Variants in XPR1 observed in about 807,000 individuals in gnomAD.
XPR1 encodes solute carrier family 53 member 1.
In XPR1, 28 loss-of-function variants were observed where a neutral mutation model predicts 87.5. The ratio of observed to expected loss-of-function variants is 0.32; its 90% confidence interval spans 0.24 to 0.44. The LOEUF is 0.44. Among genes scored for constraint, XPR1 ranks in the 20% least tolerant of loss-of-function variants. XPR1 has a pLI of 1.00. For synonymous variants in XPR1, 300 were observed against 306.1 expected (o/e 0.98, Z 0.21); for missense variants, 559 against 862.3 (o/e 0.65, Z 4.41).
chr1:180,744,650 C>CTTTTTTTTTTTTTT lies in XPR1; in HGVS notation c.122-43100_122-43099insTTTTTTTTTTTTTT, dbSNP rs200044209. Among the ~76,000 whole-genome samples the CTTTTTTTTTTTTTT allele has an allele frequency of 5.7e-3, 326 of 56,858 alleles. 29 individuals carry two copies. Among genetic ancestry groups the CTTTTTTTTTTTTTT allele is most frequent in the African/African-American group, 7.8e-3 (134 of 17,120 alleles). The allele number at this position is 56,858 out of a possible 152,430, so 37.3% of individuals were successfully genotyped here. ...ACTTGTTCAGGTTTAGGCACAATTT[C>CTTTTTTTTTTTTTT]TTTCTTTTTTTTTTTTTTGAGACAG... On this transcript the variant is annotated intron_variant, in intron 2 of 14. Coordinates refer to ENST00000367590, the MANE Select transcript of XPR1 (RefSeq NM_004736.4).
intron 2 of XPR1, among the ~76,000 whole-genome samples, chr1:180,726,584 A>G (rs1184236656): frequency 6.6e-6 from 1 of 152,144 alleles, no homozygotes; most frequent in East Asian, 1.9e-4. Context: ...GAGACTGAAA[A>G]CTGTTTACAT....
At chr1:180,863,433 T>C (rs1652283282) in intron 11 of XPR1, among the ~76,000 whole-genome samples, 1 of 152,210 alleles carries the variant, frequency 6.6e-6, no homozygotes, top group South Asian at 2.1e-4. Context: ...ATTGCAATTA[T>C]ACAGATTTTT....
At chr1:180,848,741 A>G (rs1485355722) in intron 11 of XPR1, among the ~76,000 whole-genome samples, 1 of 152,190 alleles carries the variant, frequency 6.6e-6, no homozygotes. Context: ...AGGAACCTCC[A>G]TACTGCTCTC....
At chr1:180,861,100 G>C (rs1238799436) in intron 11 of XPR1, among the ~76,000 whole-genome samples, 1 of 152,032 alleles carries the variant, frequency 6.6e-6, no homozygotes, top group Admixed American at 6.6e-5. Flanking sequence ...ATACTCACTT[G>C]AGAAATACTC....
intron 1 of XPR1, among the ~76,000 whole-genome samples, chr1:180,640,162 G>C (rs1016021988): frequency 1.3e-5 from 2 of 152,146 alleles, no homozygotes; most frequent in African/African-American, 4.8e-5. Flanking sequence ...TTTGCTTAAG[G>C]CTCTATACTT....
intron 2 of XPR1, among the ~76,000 whole-genome samples, chr1:180,767,310 A>C (rs1648324727): frequency 6.6e-6 from 1 of 152,222 alleles, no homozygotes; most frequent in Non-Finnish European, 1.5e-5. Context: ...CTGAGTTTAG[A>C]TATCATAGGC....
At chr1:180,638,561 A>G (rs933572758) in intron 1 of XPR1, among the ~76,000 whole-genome samples, 9 of 152,176 alleles carry the variant, frequency 5.9e-5, no homozygotes, top group Non-Finnish European at 7.3e-5. Flanking sequence ...CTTACAAATC[A>G]TTCGTTCATT....
At chr1:180,745,143 T>C (rs1273780219) in intron 2 of XPR1, among the ~76,000 whole-genome samples, 1 of 152,204 alleles carries the variant, frequency 6.6e-6, no homozygotes, top group Non-Finnish European at 1.5e-5. Context: ...GAGTCTGTGG[T>C]GTGCTGCTTA....
At chr1:180,822,431 A>G (rs1650670808) in intron 7 of XPR1, among the ~76,000 whole-genome samples, 1 of 152,164 alleles carries the variant, frequency 6.6e-6, no homozygotes, top group Admixed American at 6.5e-5. Flanking sequence ...CCTACCTAAA[A>G]TAACACCTAA....
intron 2 of XPR1, among the ~76,000 whole-genome samples, chr1:180,691,153 G>T (rs1237024988): frequency 6.6e-6 from 1 of 152,066 alleles, no homozygotes; most frequent in East Asian, 1.9e-4. Context: ...GTGGCATCAT[G>T]TTTTATTGCT....
At chr1:180,726,878 C>CT (rs57684804) in intron 2 of XPR1, among the ~76,000 whole-genome samples, 2,558 of 142,770 alleles carry the variant, frequency 0.018, 31 homozygotes, top group Non-Finnish European at 0.025. Flanking sequence ...TGTTTTCTTT[C>CT]TTTTTTTTTT....
At chr1:180,844,767 C>T (rs1213910709) in intron 11 of XPR1, among the ~76,000 whole-genome samples, 2 of 152,146 alleles carry the variant, frequency 1.3e-5, no homozygotes, top group African/African-American at 2.4e-5. Flanking sequence ...TTCATTCTGG[C>T]GCTTCAATTG....
At chr1:180,646,448 TC>T (rs1655123331) in intron 1 of XPR1, among the ~76,000 whole-genome samples, 2 of 152,186 alleles carry the variant, frequency 1.3e-5, no homozygotes, top group Non-Finnish European at 2.9e-5. Context: ...GTGCTTGGTC[TC>T]CAGGTGATGA....
intron 11 of XPR1, among the ~76,000 whole-genome samples, chr1:180,848,244 G>A (rs1213774796): frequency 6.6e-6 from 1 of 152,116 alleles, no homozygotes; most frequent in Non-Finnish European, 1.5e-5. Flanking sequence ...CTGTGGTATA[G>A]AACACTAGAA....
At chr1:180,734,254 T>C (rs569083026) in intron 2 of XPR1, among the ~76,000 whole-genome samples, 6 of 152,182 alleles carry the variant, frequency 3.9e-5, no homozygotes, top group Admixed American at 3.9e-4. Context: ...AAAAGGAGTA[T>C]TGGCAGGGAA....
intron 2 of XPR1, among the ~76,000 whole-genome samples, chr1:180,721,789 A>G (rs1658187018): frequency 6.6e-6 from 1 of 152,152 alleles, no homozygotes; most frequent in Non-Finnish European, 1.5e-5. Flanking sequence ...AACCACTTCC[A>G]CTTAATTAAT....
chr1:180,792,152 G>C (rs1270781411), intron 3 of XPR1, among the ~76,000 whole-genome samples: 2 of 152,178 alleles, frequency 1.3e-5, no homozygotes, highest in African/African-American at 2.4e-5. Context: ...GCAGTTGTCA[G>C]ACACTAGGGC....
intron 2 of XPR1, 27 bp from the exon 3 acceptor site, chr1:180,787,726 T>C: frequency 6.6e-7 from 1 of 1,513,290 alleles, no homozygotes; most frequent in Non-Finnish European, 9.0e-7. Flanking sequence ...GGACATTAAA[T>C]TTAAATATTG....
intron 9 of XPR1, among the ~76,000 whole-genome samples, chr1:180,833,685 A>C (rs1651159791): frequency 6.6e-6 from 1 of 152,226 alleles, no homozygotes; most frequent in Admixed American, 6.5e-5. Context: ...ATAAACACAA[A>C]AGCTAAACAA....
Sources: allele counts gnomAD v4.1 joint callset (sites outside exome capture counted in the v4.1 genomes callset), GRCh38; gene constraint gnomAD v4.1.1; transcripts MANE v1.5; gene names NCBI Gene and HGNC (gene_info 2026-07-23, HGNC 2026-07-21).